SLC28A1: variants seen among roughly 807,000 people sequenced by gnomAD.
The protein encoded by SLC28A1 is sodium/nucleoside cotransporter 1.
Under a neutral mutation model 74.8 loss-of-function variants are expected in SLC28A1, and 64 were observed. That is an observed-to-expected ratio of 0.86 (90% confidence interval 0.70 to 1.05). SLC28A1 has a LOEUF of 1.05. Ranked by LOEUF, SLC28A1 falls within the 50% of genes least tolerant of loss-of-function variation. The probability of loss-of-function intolerance (pLI) is 0.00; values close to 1 mark genes in which losing one functional copy is unlikely to be tolerated. For missense variants in SLC28A1, 828 were observed against 822.8 expected, an observed-to-expected ratio of 1.01 and a Z score of -0.08; for synonymous variants, 359 against 335.0, an observed-to-expected ratio of 1.07 and a Z score of -0.78.
intron 1 of SLC28A1, among the ~76,000 whole-genome samples, chr15:84,884,989 C>T (rs1056406751): frequency 1.4e-4 from 21 of 152,132 alleles, no homozygotes; most frequent in Non-Finnish European, 2.2e-4. Flanking sequence ...GGTAGAGTCT[C>T]GCTCTGTTGC....
At chr15:84,895,622 G>A (rs771741887) in intron 6 of SLC28A1, 18 of 1,475,982 alleles carry the variant, frequency 1.2e-5, no homozygotes, top group Non-Finnish European at 1.6e-5. Flanking sequence ...GGAAATCTCA[G>A]CGATGTCACA....
the SLC28A1 span, among the ~76,000 whole-genome samples, chr15:84,958,577 A>G: frequency 6.6e-6 from 1 of 152,184 alleles, no homozygotes; most frequent in Non-Finnish European, 1.5e-5. Flanking sequence ...TGTTTGAGGC[A>G]GGGTCTCATT....
chr15:84,904,888 C>G (rs1966879852), intron 7 of SLC28A1, among the ~76,000 whole-genome samples: 1 of 152,270 alleles, frequency 6.6e-6, no homozygotes, highest in Non-Finnish European at 1.5e-5. Flanking sequence ...AATCTTCTCT[C>G]TCTCTGCCTC....
chr15:84,962,166 C>G, the SLC28A1 span, among the ~76,000 whole-genome samples: 1 of 152,096 alleles, frequency 6.6e-6, no homozygotes, highest in Non-Finnish European at 1.5e-5. Context: ...CCTCCAACTC[C>G]TGAGCTCAGG....
chr15:84,889,535 G>T (rs1360913563), intron 4 of SLC28A1, among the ~76,000 whole-genome samples: 4 of 152,198 alleles, frequency 2.6e-5, no homozygotes, highest in Non-Finnish European at 4.4e-5. Flanking sequence ...CAGCTGGTGG[G>T]TGGATTCCAA....
At chr15:84,893,033 C>T (rs796441926) in intron 5 of SLC28A1, among the ~76,000 whole-genome samples, 50 of 152,234 alleles carry the variant, frequency 3.3e-4, no homozygotes, top group African/African-American at 1.2e-3. Flanking sequence ...CTCCACACTG[C>T]CCCCTCTCCC....
intron 15 of SLC28A1, among the ~76,000 whole-genome samples, chr15:84,943,058 C>T (rs1434490675): frequency 6.6e-6 from 1 of 152,060 alleles, no homozygotes; most frequent in East Asian, 1.9e-4. Context: ...TGGTGGCGGG[C>T]ACCTATAATC....
At chr15:84,915,942 T>G (rs575334506) in intron 9 of SLC28A1, among the ~76,000 whole-genome samples, 26 of 151,748 alleles carry the variant, frequency 1.7e-4, no homozygotes, top group Admixed American at 5.9e-4. Context: ...TTGTTGTTGT[T>G]GTTGTTGTTG....
chr15:84,898,799 G>A (rs965155460), intron 6 of SLC28A1, among the ~76,000 whole-genome samples: 22 of 152,132 alleles, frequency 1.4e-4, no homozygotes, highest in African/African-American at 5.3e-4. Context: ...TGACTGCCTG[G>A]AGAGCGTTTC....
chr15:84,954,609 TG>T, the SLC28A1 span, among the ~76,000 whole-genome samples: 2 of 152,332 alleles, frequency 1.3e-5, no homozygotes, highest in South Asian at 4.1e-4. Context: ...TGAAGTGGTT[TG>T]CTCAAGGGCA....
At chr15:84,975,558 T>G in the SLC28A1 span, 65 of 456,316 alleles carry the variant, frequency 1.4e-4, no homozygotes, top group Non-Finnish European at 2.6e-4. Context: ...TTTTCGTGCT[T>G]CATTGTTAAG....
rs545983855 is a variant in SLC28A1 at position 84,944,238 on chromosome 15, T to C, written c.1664-328T>C. On this transcript the variant is annotated intron_variant, in intron 16 of 18. Coordinates refer to ENST00000394573, the MANE Select transcript of SLC28A1 (RefSeq NM_004213.5). ...ATTTTACAAAGAAGGAAACTGAGTC[T>C]TCATGAAGTGAAGTGGTGGCCCAAG... Among the ~76,000 whole-genome samples the C allele has an allele frequency of 3.1e-4, 47 of 152,370 alleles. 1 individual carries two copies. Among genetic ancestry groups the C allele is most frequent in the African/African-American group, 1.1e-3 (44 of 41,584 alleles).
chr15:84,893,573 G>C (rs1179538326), intron 5 of SLC28A1, among the ~76,000 whole-genome samples: 1 of 152,114 alleles, frequency 6.6e-6, no homozygotes, highest in Non-Finnish European at 1.5e-5. Context: ...GGGTCACCGG[G>C]GGGGCTTATC....
the SLC28A1 span, among the ~76,000 whole-genome samples, chr15:84,959,885 CAAT>C: frequency 6.6e-6 from 1 of 152,162 alleles, no homozygotes; most frequent in Non-Finnish European, 1.5e-5. Context: ...TCATACGTAA[CAAT>C]GAGTCCCTGA....
intron 10 of SLC28A1, 140 bp downstream of exon 10, chr15:84,918,744 C>A: frequency 1.3e-6 from 1 of 747,156 alleles, no homozygotes; most frequent in Non-Finnish European, 2.4e-6. Flanking sequence ...TCCAGAGTCC[C>A]CTGTTCCCAG....
chr15:84,899,448 A>G (rs1299018253), intron 6 of SLC28A1, among the ~76,000 whole-genome samples: 3 of 152,240 alleles, frequency 2.0e-5, no homozygotes, highest in African/African-American at 4.8e-5. Flanking sequence ...CACAAGAAAC[A>G]TGAAGACTAT....
intron 5 of SLC28A1, among the ~76,000 whole-genome samples, chr15:84,892,677 A>G (rs1444826190): frequency 6.6e-6 from 1 of 151,950 alleles, no homozygotes; most frequent in Admixed American, 6.6e-5. Flanking sequence ...TTTCCTGGGG[A>G]GGCTGTTCAC....
intron 6 of SLC28A1, among the ~76,000 whole-genome samples, chr15:84,897,126 C>T (rs1966086545): frequency 6.6e-6 from 1 of 151,554 alleles, no homozygotes; most frequent in Non-Finnish European, 1.5e-5. Flanking sequence ...CCTGTAATCC[C>T]AGCACTTTGG....
chr15:84,935,228 G>A (rs1381732969), intron 14 of SLC28A1, 34 bp downstream of exon 14: 5 of 1,613,306 alleles, frequency 3.1e-6, no homozygotes, highest in South Asian at 2.2e-5. Flanking sequence ...AGTCTGTAGA[G>A]AGGATGGCCC....
Sources: gnomAD v4.1 joint callset for allele counts (sites outside exome capture counted in the v4.1 genomes callset) on GRCh38, gnomAD v4.1.1 for gene constraint, MANE v1.5 for transcripts, NCBI Gene and HGNC (gene_info 2026-07-23, HGNC 2026-07-21) for gene names.